CPZ: variants seen among roughly 807,000 people sequenced by gnomAD.
CPZ encodes carboxypeptidase Z.
In CPZ, 103 loss-of-function variants were observed where a neutral mutation model predicts 61.8. That is an observed-to-expected ratio of 1.67 (90% confidence interval 1.42 to 1.96). The LOEUF is 1.96. Among genes scored for constraint, CPZ ranks in the 30% most tolerant of loss-of-function variants. CPZ has a pLI of 0.00. For missense variants in CPZ, 1,461 were observed against 914.9 expected (o/e 1.60, Z -7.70); for synonymous variants, 551 against 373.7 (o/e 1.47, Z -5.47).
intron 9 of CPZ, among the ~76,000 whole-genome samples, chr4:8,616,595 A>G (rs4696866): frequency 0.24 from 36,186 of 151,764 alleles, 5,029 homozygotes; most frequent in Non-Finnish European, 0.31. Context: ...CTGTGTTTTG[A>G]AGGGAGGGAA....
intron 1 of CPZ, among the ~76,000 whole-genome samples, chr4:8,598,711 G>T (rs1033506888): frequency 1.3e-5 from 2 of 152,270 alleles, no homozygotes; most frequent in South Asian, 4.1e-4. Flanking sequence ...TGCACACAGA[G>T]CCTTGGGTCC....
At chr4:8,609,221 TACTC>T (rs1224880347) in intron 7 of CPZ, among the ~76,000 whole-genome samples, 4 of 14,890 alleles carry the variant, frequency 2.7e-4, no homozygotes, top group African/African-American at 5.6e-4. Context: ...CTCATTCACT[TACTC>T]ACTCATTGTC....
At chr4:8,618,649 T>G in intron 10 of CPZ, 121 bp downstream of exon 10, 5 of 892,446 alleles carry the variant, frequency 5.6e-6, no homozygotes, top group Non-Finnish European at 6.9e-6. Context: ...GCTCCATTCC[T>G]CCCCAGGCTG....
chr4:8,609,351 A>G (rs578160956), intron 7 of CPZ, among the ~76,000 whole-genome samples: 6 of 148,556 alleles, frequency 4.0e-5, no homozygotes, highest in African/African-American at 1.5e-4. Flanking sequence ...TCATTCTCTC[A>G]TTCATTCACT....
In CPZ at chr4:8,601,944, C is replaced by T. The variant is rs371253813; in HGVS notation, c.496+447C>T. The T allele has an allele frequency of 9.7e-4, 154 of 158,306 alleles. 3 individuals are homozygous for T. In the South Asian group the frequency reaches 0.021, roughly 21 times the overall value. 9.8% of individuals were successfully genotyped at this position (158,306 alleles called of 1,614,324 possible). ...GGGGGGGCGGGGCATTTACATCCCC[C>T]GGGAGGTCTGGCGGGCAAAGCTTCA... On this transcript the variant is annotated intron_variant, in intron 3 of 10. Transcript: ENST00000360986.
At chr4:8,599,587 G>A in intron 2 of CPZ, 102 bp downstream of exon 2, 1 of 1,560,746 alleles carries the variant, frequency 6.4e-7, no homozygotes, top group South Asian at 1.2e-5. Context: ...TCAGAAGTGG[G>A]TAATGGATAA....
chr4:8,614,596 C>A, intron 9 of CPZ, 98 bp downstream of exon 9: 5 of 1,251,282 alleles, frequency 4.0e-6, no homozygotes, highest in Non-Finnish European at 5.5e-6. Context: ...CTCACTGCCC[C>A]ATACACACAT....
chr4:8,614,217 G>C (rs960144058), intron 8 of CPZ, 142 bp from the exon 9 acceptor site: 338 of 1,170,728 alleles, frequency 2.9e-4, no homozygotes, highest in Middle Eastern at 6.1e-4. Context: ...TGGGCACTTG[G>C]CTGACACCCC....
chr4:8,602,852 G>GT (rs1714675319), intron 3 of CPZ: 1 of 152,254 alleles, frequency 6.6e-6, no homozygotes, highest in Non-Finnish European at 1.5e-5. Flanking sequence ...TGCAGCCTCT[G>GT]GCTCCCAATC....
chr4:8,592,865 C>T lies in CPZ; in HGVS notation c.32C>T (p.Thr11Ile). 3 of 1,529,114 alleles carry T rather than the reference C, an allele frequency of 2.0e-6. No individual in the cohort carries two copies. Among genetic ancestry groups the T allele is most frequent in the Non-Finnish European group, 2.6e-6 (3 of 1,142,006 alleles). 94.7% of individuals were successfully genotyped at this position (1,529,114 alleles called of 1,614,324 possible). A position where few individuals can be genotyped will look rare whatever the true frequency, so the allele number is the denominator to read the frequency against. MPPPLPLLLL[T>I]VLVVAAARPG... ...CCCCCGCTGCCGCTGCTGCTCCTTA[C>T]AGTCCTGGTCGTCGCCGCTGCCCGG... The change falls in exon 1 of 11, where the codon ACA becomes ATA. Residue 11 changes from threonine (T) to isoleucine (I), a missense_variant. Physicochemically the swap from Thr to Ile is moderately conservative, Grantham distance 89. Transcript: ENST00000360986.
At chr4:8,600,399 T>A (rs951299634) in intron 2 of CPZ, among the ~76,000 whole-genome samples, 3 of 152,156 alleles carry the variant, frequency 2.0e-5, no homozygotes, top group Non-Finnish European at 4.4e-5. Context: ...AAAGTCCAGC[T>A]GAGGAAAAGA....
chr4:8,600,474 CG>C (rs1714492569), intron 2 of CPZ, among the ~76,000 whole-genome samples: 2 of 152,190 alleles, frequency 1.3e-5, no homozygotes, highest in African/African-American at 4.8e-5. Flanking sequence ...CAGCTCCCGA[CG>C]GGGCTGGAGG....
chr4:8,612,659 A>G (rs985040157), intron 8 of CPZ, among the ~76,000 whole-genome samples: 1 of 152,222 alleles, frequency 6.6e-6, no homozygotes, highest in Non-Finnish European at 1.5e-5. Flanking sequence ...TTTATCTGCT[A>G]AATTTGCCCT....
intron 1 of CPZ, among the ~76,000 whole-genome samples, chr4:8,597,918 A>G (rs948696224): frequency 6.6e-6 from 1 of 152,208 alleles, no homozygotes; most frequent in African/African-American, 2.4e-5. Flanking sequence ...CCCGGCTGTG[A>G]TGTGGCGGTT....
chr4:8,605,257 C>T (rs1006060495), intron 4 of CPZ, among the ~76,000 whole-genome samples: 3 of 151,874 alleles, frequency 2.0e-5, no homozygotes. Context: ...GACTTGCCTG[C>T]AGTCACACAG....
At chr4:8,614,828 G>C (rs975764784) in intron 9 of CPZ, among the ~76,000 whole-genome samples, 1 of 151,978 alleles carries the variant, frequency 6.6e-6, no homozygotes, top group Non-Finnish European at 1.5e-5. Flanking sequence ...TCAGAGGCTG[G>C]GGGGGCTTCC....
chr4:8,599,394 G>C, intron 1 of CPZ, 59 bp from the exon 2 acceptor site: 1 of 1,540,704 alleles, frequency 6.5e-7, no homozygotes, highest in Non-Finnish European at 8.8e-7. Context: ...GCCGTGTGTT[G>C]CCCGGTGAGT....
In CPZ at chr4:8,592,801, C is replaced by G. The variant is rs1713880142; in HGVS notation, c.-33C>G. 7.1e-7 allele frequency: 1 copy of G among 1,401,936 alleles called. No individual in the cohort carries two copies. Among genetic ancestry groups the G allele is most frequent in the African/African-American group, 1.5e-5 (1 of 66,498 alleles). The allele number at this position is 1,401,936 out of a possible 1,614,324, so 86.8% of individuals were successfully genotyped here. On this transcript the variant is annotated 5_prime_UTR_variant, in exon 1 of 11. Transcript: ENST00000360986. ...CCCGCGCGGCCCGAGTGCCACATCA[C>G]TGCGCTGGCCGTCCAAGGTCCGCCG...
In CPZ at chr4:8,604,160, C is replaced by G. The variant is rs761726949; in HGVS notation, c.681C>G (p.Phe227Leu). Reference protein sequence around the residue: ...FDGRELLVIEFSSRPGQHELM... With the variant: ...FDGRELLVIELSSRPGQHELM... The stretch of plus-strand genomic sequence containing the variant: ...GCAGGGAGCTGCTGGTCATCGAGTT[C>G]TCCAGCCGCCCCGGCCAGCACGAGC... The change falls in exon 4 of 11, where the codon TTC becomes TTG. Residue 227 changes from phenylalanine to leucine, a missense_variant. Transcript: ENST00000360986. The G allele has an allele frequency of 1.3e-6, 2 of 1,574,486 alleles. No homozygotes were observed. Among genetic ancestry groups the G allele is most frequent in the Admixed American group, 3.6e-5 (2 of 55,778 alleles).
Sources: allele counts gnomAD v4.1 joint callset (sites outside exome capture counted in the v4.1 genomes callset), GRCh38; gene constraint gnomAD v4.1.1; transcripts MANE v1.5; gene names NCBI Gene and HGNC (gene_info 2026-07-23, HGNC 2026-07-21).